The following CHST11 variants were observed in gnomAD, a reference collection of about 807,000 sequenced individuals.
The protein encoded by CHST11 is C4S-1.
Under a neutral mutation model 30.4 loss-of-function variants are expected in CHST11, and 9 were observed. The ratio of observed to expected loss-of-function variants is 0.30; its 90% CI spans 0.18 to 0.52. The LOEUF is 0.52. Ranked by LOEUF, CHST11 falls within the 20% of genes least tolerant of loss-of-function variation. The pLI, the probability that CHST11 is intolerant of heterozygous loss-of-function variation, is 0.97. For missense variants in CHST11, 348 were observed against 460.6 expected (o/e 0.76, Z 2.24); for synonymous variants, 152 against 187.8 (o/e 0.81, Z 1.56).
In CHST11 at chr12:104,632,804, T is replaced by G. The variant is rs147983286; in HGVS notation, c.204+30813T>G. Among the ~76,000 whole-genome samples, 601 of 152,258 alleles carry G rather than the reference T, an allele frequency of 3.9e-3. 4 individuals are homozygous for G. The highest frequency in any genetic ancestry group is 0.014 in the African/African-American group (564 of 41,564). On this transcript the variant is annotated intron_variant, in intron 2 of 2. Transcript: ENST00000303694. ...GGCGCCCACTCGTTCCCGGTCCTCC[T>G]CCGGGAGGAGCCCACAGACACCACA...
chr12:104,522,721 ATCC>A (rs2038085459), intron 1 of CHST11, among the ~76,000 whole-genome samples: 1 of 151,994 alleles, frequency 6.6e-6, no homozygotes, highest in East Asian at 1.9e-4. Context: ...GCCTCAGGCA[ATCC>A]TCCTGCCTCA....
At chr12:104,698,444 T>C (rs1024477598) in intron 2 of CHST11, among the ~76,000 whole-genome samples, 2 of 152,234 alleles carry the variant, frequency 1.3e-5, no homozygotes, top group African/African-American at 4.8e-5. Context: ...AGTGCAGGAC[T>C]ATCTTTTTCC....
At chr12:104,599,727 A>G (rs946253136) in intron 1 of CHST11, among the ~76,000 whole-genome samples, 1 of 152,174 alleles carries the variant, frequency 6.6e-6, no homozygotes, top group African/African-American at 2.4e-5. Context: ...GTGGGCATGT[A>G]GCTATGTTTG....
At chr12:104,731,162 A>G (rs953461289) in intron 2 of CHST11, among the ~76,000 whole-genome samples, 9 of 152,212 alleles carry the variant, frequency 5.9e-5, no homozygotes, top group Non-Finnish European at 1.2e-4. Context: ...CAAATTGACC[A>G]GAACCCTCAT....
intron 2 of CHST11, among the ~76,000 whole-genome samples, chr12:104,665,554 C>T (rs1017583795): frequency 1.3e-5 from 2 of 152,022 alleles, no homozygotes; most frequent in African/African-American, 4.8e-5. Context: ...ACTCACAGGG[C>T]GGTTCTGAGT....
intron 1 of CHST11, among the ~76,000 whole-genome samples, chr12:104,573,381 A>G (rs918598603): frequency 1.3e-5 from 2 of 152,130 alleles, no homozygotes; most frequent in Non-Finnish European, 2.9e-5. Flanking sequence ...TATGGAACCA[A>G]AAAAGAGCCC....
chr12:104,718,615 G>A lies in CHST11; in HGVS notation c.205-38334G>A, dbSNP rs117295566. 2.6e-4 allele frequency among the ~76,000 whole-genome samples: 39 copies of A among 152,254 alleles called. No homozygotes were observed. The East Asian group carries it at 6.9e-3, about 27-fold the overall frequency. ...ACCTGCAGTCCCTTTGAGGAGTGGC[G>A]ATTGTTTGTAGTTCCCCAGGCCCCC... On this transcript the variant is annotated intron_variant, in intron 2 of 2. Transcript: ENST00000303694.
intron 2 of CHST11, among the ~76,000 whole-genome samples, chr12:104,756,346 G>T (rs1012579440): frequency 6.6e-6 from 1 of 152,056 alleles, no homozygotes; most frequent in East Asian, 1.9e-4. Flanking sequence ...AATGGCCTTT[G>T]GGGAGAAACT....
chr12:104,457,903 AG>A (rs1011674055), intron 1 of CHST11, among the ~76,000 whole-genome samples: 17 of 149,098 alleles, frequency 1.1e-4, no homozygotes, highest in African/African-American at 4.2e-4. Flanking sequence ...GGCTGGTTTG[AG>A]GAGAACGAAA....
chr12:104,662,201 G>A (rs1279290268), intron 2 of CHST11, among the ~76,000 whole-genome samples: 3 of 152,164 alleles, frequency 2.0e-5, no homozygotes, highest in Non-Finnish European at 4.4e-5. Context: ...CAAAGGAAAC[G>A]GGCTGGGAGT....
chr12:104,466,721 T>G (rs952735427), intron 1 of CHST11, among the ~76,000 whole-genome samples: 2 of 152,242 alleles, frequency 1.3e-5, no homozygotes, highest in Admixed American at 1.3e-4. Context: ...CACACCCTAT[T>G]GGTAAAACAT....
intron 2 of CHST11, among the ~76,000 whole-genome samples, chr12:104,712,702 C>A (rs1277575572): frequency 6.6e-6 from 1 of 152,156 alleles, no homozygotes; most frequent in African/African-American, 2.4e-5. Context: ...CCTGAACAGT[C>A]CCCCTGACAT....
intron 1 of CHST11, among the ~76,000 whole-genome samples, chr12:104,515,161 A>G (rs1158697450): frequency 1.3e-5 from 2 of 152,232 alleles, no homozygotes; most frequent in African/African-American, 2.4e-5. Context: ...ATTTCTTGAC[A>G]CATGAAAAGT....
At chr12:104,527,779 A>C (rs1414591639) in intron 1 of CHST11, among the ~76,000 whole-genome samples, 2 of 152,222 alleles carry the variant, frequency 1.3e-5, no homozygotes, top group African/African-American at 2.4e-5. Flanking sequence ...ATTTATAAAG[A>C]AAAGAGGTTT....
chr12:104,752,566 C>T (rs1417048178), intron 2 of CHST11, among the ~76,000 whole-genome samples: 3 of 152,106 alleles, frequency 2.0e-5, no homozygotes, highest in Admixed American at 6.5e-5. Flanking sequence ...CTCACTCTGT[C>T]GCCCAGGCTG....
intron 2 of CHST11, among the ~76,000 whole-genome samples, chr12:104,613,227 A>C (rs1387164742): frequency 2.6e-5 from 4 of 151,968 alleles, no homozygotes; most frequent in African/African-American, 7.3e-5. Flanking sequence ...TACAGAATCA[A>C]CTTACATGTC....
chr12:104,558,860 C>A (rs1592762833), intron 1 of CHST11, among the ~76,000 whole-genome samples: 1 of 151,810 alleles, frequency 6.6e-6, no homozygotes, highest in East Asian at 1.9e-4. Context: ...AATTCTAAGT[C>A]CTCGGGCACC....
intron 1 of CHST11, among the ~76,000 whole-genome samples, chr12:104,567,889 G>A (rs1297326584): frequency 3.3e-5 from 5 of 152,202 alleles, no homozygotes; most frequent in African/African-American, 1.2e-4. Context: ...TGAAGACACA[G>A]AAGGCATCAC....
chr12:104,524,044 T>C (rs1297261959), intron 1 of CHST11, among the ~76,000 whole-genome samples: 11 of 147,508 alleles, frequency 7.5e-5, no homozygotes, highest in South Asian at 2.1e-4. Flanking sequence ...TCTTTCTTTT[T>C]TTTTTTTTTT....
Sources: gnomAD v4.1 joint callset for allele counts (sites outside exome capture counted in the v4.1 genomes callset) on GRCh38, gnomAD v4.1.1 for gene constraint, MANE v1.5 for transcripts, NCBI Gene and HGNC (gene_info 2026-07-23, HGNC 2026-07-21) for gene names.